Variants in CDON observed in about 807,000 individuals in gnomAD.
CDON encodes the protein cell adhesion associated, oncogene regulated.
Under a neutral mutation model 120.9 loss-of-function variants are expected in CDON, and 73 were observed. The observed-to-expected ratio is 0.60, with a 90% confidence interval of 0.50 to 0.73. The LOEUF (loss-of-function observed/expected upper bound fraction) is 0.73, where lower values mean the gene tolerates loss of function less well. CDON is among the 30% of genes least tolerant of loss of function. The pLI, the probability that CDON is intolerant of heterozygous loss-of-function variation, is 0.00. For missense variants in CDON, 1,470 were observed against 1,587.3 expected (o/e 0.93, Z 1.26); for synonymous variants, 566 against 573.5 (o/e 0.99, Z 0.19).
chr11:126,025,423 A>G (rs1947766953), intron 1 of CDON, among the ~76,000 whole-genome samples: 1 of 152,136 alleles, frequency 6.6e-6, no homozygotes, highest in Non-Finnish European at 1.5e-5. Flanking sequence ...AGGAAACAGA[A>G]AGCAGACACA....
intron 3 of CDON, among the ~76,000 whole-genome samples, chr11:126,020,056 A>AAAAAAAAAG (rs200669402): frequency 1.3e-5 from 2 of 151,324 alleles, no homozygotes; most frequent in Non-Finnish European, 3.0e-5. Context: ...GTCTCAAGAG[A>AAAAAAAAAG]AAAAAAAAGA....
intron 18 of CDON, among the ~76,000 whole-genome samples, chr11:125,973,045 A>ATTTTTTTTTTTTT (rs1946050434): frequency 1.6e-5 from 1 of 61,742 alleles, no homozygotes; most frequent in Admixed American, 1.7e-4. Flanking sequence ...TTTTTTTTAA[A>ATTTTTTTTTTTTT]TCCCTCAGAC....
intron 1 of CDON, among the ~76,000 whole-genome samples, chr11:126,051,861 C>T (rs548867251): frequency 6.6e-6 from 1 of 152,066 alleles, no homozygotes; most frequent in Non-Finnish European, 1.5e-5. Flanking sequence ...GTTGGCCAGG[C>T]TGGTCTTGAA....
intron 8 of CDON, among the ~76,000 whole-genome samples, chr11:126,007,154 C>A (rs959533564): frequency 2.0e-5 from 3 of 152,154 alleles, no homozygotes; most frequent in African/African-American, 7.2e-5. Context: ...AGGAAGAGTG[C>A]AGAGCAAACA....
chr11:125,971,122 G>A (rs688059), intron 18 of CDON, among the ~76,000 whole-genome samples: 8,323 of 152,198 alleles, frequency 0.055, 347 homozygotes, highest in East Asian at 0.19. Flanking sequence ...GGTGGCTCAC[G>A]CCTGTAATCC....
chr11:125,979,615 T>A (rs907179241), intron 17 of CDON, among the ~76,000 whole-genome samples: 2 of 152,192 alleles, frequency 1.3e-5, no homozygotes, highest in African/African-American at 4.8e-5. Flanking sequence ...ATGGGGCACC[T>A]ATTATTTAAA....
In CDON at chr11:125,960,780, G is replaced by T; in HGVS notation, c.*162C>A. On this transcript the variant is annotated 3_prime_UTR_variant, in exon 20 of 20. Transcript: ENST00000531738. ...CATTTAAGGCATAAATAATATAAAA[G>T]GGCACACGTTTTAAGATACATTCAT... The T allele has an allele frequency of 1.4e-6, 1 of 703,590 alleles. No individual in the cohort carries two copies. Among genetic ancestry groups the T allele is most frequent in the Non-Finnish European group, 2.5e-6 (1 of 397,364 alleles). 43.6% of individuals were successfully genotyped at this position (703,590 alleles called of 1,614,324 possible).
intron 7 of CDON, among the ~76,000 whole-genome samples, chr11:126,011,642 G>A (rs2134636377): frequency 6.6e-6 from 1 of 152,216 alleles, no homozygotes; most frequent in Non-Finnish European, 1.5e-5. Flanking sequence ...AGGTATGCAT[G>A]TGACTAGTAT....
At chr11:125,994,615 C>T (rs988066097) in intron 13 of CDON, among the ~76,000 whole-genome samples, 3 of 152,164 alleles carry the variant, frequency 2.0e-5, no homozygotes, top group Non-Finnish European at 4.4e-5. Flanking sequence ...CATAAAAGCA[C>T]ATTTGGTTCA....
rs1947102394 is a variant in CDON, at chr11:126,005,745, CGACAA to C, written c.1851+9_1851+13del. 1 of 1,611,178 alleles carries C rather than the reference CGACAA, an allele frequency of 6.2e-7. No individual in the cohort carries two copies. Among genetic ancestry groups the C allele is most frequent in the African/African-American group, 1.3e-5 (1 of 74,786 alleles). On this transcript the variant is annotated intron_variant, in intron 9 of 19. Transcript: ENST00000531738. ...GGTGTGAGCCGAGAAAGATGATAAA[CGACAA>C]GACATTACCTTTCGATACTTCACAA...
At chr11:125,964,328 G>A (rs1388592154) in intron 18 of CDON, among the ~76,000 whole-genome samples, 1 of 152,162 alleles carries the variant, frequency 6.6e-6, no homozygotes, top group Non-Finnish European at 1.5e-5. Context: ...CCTTCCTTAG[G>A]TCAGACATCG....
rs1222304708 is a variant in CDON at position 125,959,430 on chromosome 11, T to C, written c.*1512A>G. ...CAAGCTATGAAACACACTTACATAATTATTGTTTTTTAATGTGAAGAGCCT... is the reference window on the plus strand; with the variant it reads ...CAAGCTATGAAACACACTTACATAACTATTGTTTTTTAATGTGAAGAGCCT... On this transcript the variant is annotated 3_prime_UTR_variant, in exon 20 of 20. Coordinates refer to ENST00000531738, the MANE Select transcript of CDON (RefSeq NM_001378964.1). 1 of 152,128 alleles carries C rather than the reference T, an allele frequency of 6.6e-6. No individual in the cohort carries two copies. Among genetic ancestry groups the C allele is most frequent in the African/African-American group, 2.4e-5 (1 of 41,418 alleles). The allele number at this position is 152,128 out of a possible 1,614,324, so 9.4% of individuals were successfully genotyped here. A position where few individuals can be genotyped will look rare whatever the true frequency, so the allele number is the denominator to read the frequency against.
intron 1 of CDON, among the ~76,000 whole-genome samples, chr11:126,061,886 T>G (rs1158134996): frequency 6.6e-6 from 1 of 152,034 alleles, no homozygotes; most frequent in African/African-American, 2.4e-5. Context: ...CCTGATTTGG[T>G]GGGGTTAGGG....
chr11:126,025,430 C>A (rs897975668), intron 1 of CDON, among the ~76,000 whole-genome samples: 1 of 152,086 alleles, frequency 6.6e-6, no homozygotes, highest in Non-Finnish European at 1.5e-5. Flanking sequence ...AGAAAGCAGA[C>A]ACAGACACTT....
At chr11:125,970,172 G>GTTTT (rs36021097) in intron 18 of CDON, among the ~76,000 whole-genome samples, 17 of 103,156 alleles carry the variant, frequency 1.6e-4, no homozygotes, top group East Asian at 2.8e-4. Context: ...GGTAGTTTAT[G>GTTTT]TTTTTTTTTT....
chr11:126,021,495 C>T lies in CDON; in HGVS notation c.102G>A (p.Glu34=), dbSNP rs1947634187. Residue 34 remains glutamate (E), a synonymous_variant, in exon 3 of 20, where the codon GAG becomes GAA. Transcript: ENST00000531738. ...CAAGTTTCTGGACAGCAGAGAGCGGCTCAGAAGTAAAATAAGGTGCCAAGT... is the reference window on the plus strand; with the variant it reads ...CAAGTTTCTGGACAGCAGAGAGCGGTTCAGAAGTAAAATAAGGTGCCAAGT... The part of the protein sequence containing the change: ...SSDLAPYFTS[E]PLSAVQKLGG... The T allele has an allele frequency of 1.2e-6, 2 of 1,614,010 alleles. No individual in the cohort carries two copies. Among genetic ancestry groups the T allele is most frequent in the Non-Finnish European group, 1.7e-6 (2 of 1,179,956 alleles).
chr11:126,006,726 GC>G (rs1273760921), intron 8 of CDON, among the ~76,000 whole-genome samples: 1 of 151,892 alleles, frequency 6.6e-6, no homozygotes, highest in Non-Finnish European at 1.5e-5. Context: ...AAACAAGCAG[GC>G]AGCCTTAACA....
In CDON at chr11:126,029,663, C is replaced by T. The variant is rs191505178; in HGVS notation, c.-61-6126G>A. Among the ~76,000 whole-genome samples, 38 of 152,218 alleles carry T rather than the reference C, an allele frequency of 2.5e-4. 1 individual carries two copies. The highest frequency in any genetic ancestry group is 2.0e-3 in the Admixed American group (30 of 15,294). ...TTCCTTATGTGAAAAACAGAAGTGA[C>T]GGGCTCATCGAACCCAGTGGTCTCA... is the stretch of plus-strand genomic sequence containing the variant. On this transcript the variant is annotated intron_variant, in intron 1 of 19. Coordinates refer to ENST00000531738, the MANE Select transcript of CDON (RefSeq NM_001378964.1).
rs1565514439 is a variant in CDON at position 125,997,175 on chromosome 11, GATGGTAA to G, written c.2362+25_2362+31del. On this transcript the variant is annotated intron_variant, in intron 12 of 19. Coordinates refer to ENST00000531738, the MANE Select transcript of CDON (RefSeq NM_001378964.1). ...AATATATGGATCTAAAGTTCACATC[GATGGTAA>G]AAGGAAACGTTTGAATATTACTACC... The G allele has an allele frequency of 2.7e-6, 4 of 1,466,866 alleles. No individual in the cohort carries two copies. The Admixed American group carries it at 6.7e-5, about 25-fold the overall frequency. 90.9% of individuals were successfully genotyped at this position (1,466,866 alleles called of 1,614,324 possible).
Sources: allele counts gnomAD v4.1 joint callset (sites outside exome capture counted in the v4.1 genomes callset), GRCh38; gene constraint gnomAD v4.1.1; transcripts MANE v1.5; gene names NCBI Gene and HGNC (gene_info 2026-07-23, HGNC 2026-07-21).